Variants in COL14A1 observed in about 807,000 individuals in gnomAD.
The protein encoded by COL14A1 is collagen alpha-1(XIV) chain.
In COL14A1, 136 loss-of-function variants were observed where a neutral mutation model predicts 230.3. The observed-to-expected ratio is 0.59, with a 90% CI of 0.51 to 0.68. The LOEUF is 0.68. COL14A1 is among the 30% of genes least tolerant of loss of function. COL14A1 has a pLI of 0.00. For synonymous variants in COL14A1, 792 were observed against 784.1 expected (o/e 1.01, Z -0.17); for missense variants, 1,976 against 2,215.8 (o/e 0.89, Z 2.17).
chr8:120,280,659 T>A, intron 29 of COL14A1, 52 bp from the exon 30 acceptor site: 5 of 1,549,410 alleles, frequency 3.2e-6, no homozygotes, highest in Non-Finnish European at 4.5e-6. Context: ...GGAAAGAGTA[T>A]GTTTGTGAAA....
At chr8:120,128,722 T>TC (rs1228031492) in intron 1 of COL14A1, among the ~76,000 whole-genome samples, 1 of 152,212 alleles carries the variant, frequency 6.6e-6, no homozygotes, top group African/African-American at 2.4e-5. Flanking sequence ...ACTCCCCGTT[T>TC]CCTCCAGGTA....
At chr8:120,219,916 A>G (rs1817876101) in intron 14 of COL14A1, among the ~76,000 whole-genome samples, 1 of 152,120 alleles carries the variant, frequency 6.6e-6, no homozygotes, top group Non-Finnish European at 1.5e-5. Flanking sequence ...TGAAGATTTG[A>G]GAAAATTTTG....
intron 1 of COL14A1, among the ~76,000 whole-genome samples, chr8:120,133,044 C>T (rs1247719416): frequency 3.3e-5 from 5 of 151,892 alleles, no homozygotes; most frequent in African/African-American, 9.7e-5. Context: ...GGTGAAACCC[C>T]GTCTCTACTA....
chr8:120,241,784 G>A (rs895224541), intron 19 of COL14A1, among the ~76,000 whole-genome samples: 13 of 152,208 alleles, frequency 8.5e-5, no homozygotes, highest in African/African-American at 3.1e-4. Context: ...CAAGATTCTT[G>A]GGGTTTCGGT....
chr8:120,136,889 C>T (rs1210522504), intron 1 of COL14A1, among the ~76,000 whole-genome samples: 4 of 146,846 alleles, frequency 2.7e-5, no homozygotes, highest in Admixed American at 6.9e-5. Flanking sequence ...TGCTTGAACC[C>T]GGTAGGAGGT....
intron 5 of COL14A1, 78 bp downstream of exon 5, chr8:120,168,325 G>T (rs1040311783): frequency 3.9e-6 from 4 of 1,029,662 alleles, no homozygotes; most frequent in Non-Finnish European, 5.9e-6. Flanking sequence ...ATGTGGGGTT[G>T]CTGGTCCCAT....
At chr8:120,166,706 A>G (rs546387783) in intron 4 of COL14A1, among the ~76,000 whole-genome samples, 6 of 152,312 alleles carry the variant, frequency 3.9e-5, no homozygotes, top group African/African-American at 1.4e-4. Context: ...TAATTGTGAG[A>G]TGGTAAAATT....
At chr8:120,167,505 G>T (rs1815945191) in intron 4 of COL14A1, among the ~76,000 whole-genome samples, 1 of 152,216 alleles carries the variant, frequency 6.6e-6, no homozygotes, top group Non-Finnish European at 1.5e-5. Context: ...CAGTTTTAAG[G>T]AGAGAATGCA....
rs777601037 is a variant in COL14A1 at position 120,227,318 on chromosome 8, C to A, written c.2103C>A (p.Ser701Arg). Residue 701 changes from serine to arginine, a missense_variant, in exon 17 of 48, where the codon AGC becomes AGA. Physicochemically the swap from Ser to Arg is moderately radical, Grantham distance 110. This residue lies in a region of COL14A1 where 1,791 missense variants were observed against 2,019.5 expected (regional missense o/e 0.89). Coordinates refer to ENST00000297848, the MANE Select transcript of COL14A1 (RefSeq NM_021110.4). ...VSLLAVLDDG[S>R]ESEVVTAVGT... ...TATTGGCCGTACTTGATGATGGAAG[C>A]GAGAGTGAGGTGGTGACTGCTGTCG... is the stretch of plus-strand genomic sequence containing the variant. 1.9e-6 allele frequency: 3 copies of A among 1,613,894 alleles called. No individual in the cohort carries two copies. The highest frequency in any genetic ancestry group is 8.5e-7 in the Non-Finnish European group (1 of 1,179,978).
rs372029911 is a variant in COL14A1 at position 120,228,970 on chromosome 8, C to T, written c.2197+201C>T. On this transcript the variant is annotated intron_variant, in intron 18 of 47. Transcript: ENST00000297848. ...AAATGCCCATGGATCTCCTAGTCAACTGATCTCACTGATACATCACTCTAC... is the reference window on the plus strand; with the variant it reads ...AAATGCCCATGGATCTCCTAGTCAATTGATCTCACTGATACATCACTCTAC... 1.1e-4 allele frequency among the ~76,000 whole-genome samples: 16 copies of T among 152,210 alleles called. No homozygotes were observed. In the East Asian group the frequency reaches 2.1e-3, roughly 20 times the overall value.
At chr8:120,231,839 C>T in intron 19 of COL14A1, 1 of 489,734 alleles carries the variant, frequency 2.0e-6, no homozygotes, top group Non-Finnish European at 3.6e-6. Context: ...AGTTAATAAC[C>T]TCTGAACATT....
chr8:120,310,815 C>T (rs542911072), intron 37 of COL14A1, among the ~76,000 whole-genome samples: 2 of 152,284 alleles, frequency 1.3e-5, no homozygotes, highest in African/African-American at 4.8e-5. Flanking sequence ...TTTTCAAAAA[C>T]CTGCAGTCAC....
chr8:120,185,029 G>A (rs1472836194), intron 5 of COL14A1, among the ~76,000 whole-genome samples: 1 of 152,188 alleles, frequency 6.6e-6, no homozygotes, highest in Admixed American at 6.5e-5. Flanking sequence ...TTTCTAGGAA[G>A]ACAGAAGTTA....
At chr8:120,167,595 T>C (rs888680774) in intron 4 of COL14A1, among the ~76,000 whole-genome samples, 42 of 152,246 alleles carry the variant, frequency 2.8e-4, no homozygotes, top group African/African-American at 9.4e-4. Flanking sequence ...TTGAACATTT[T>C]CTAATTAAAG....
At chr8:120,304,296 G>T (rs997031724) in intron 36 of COL14A1, among the ~76,000 whole-genome samples, 1 of 151,950 alleles carries the variant, frequency 6.6e-6, no homozygotes, top group African/African-American at 2.4e-5. Flanking sequence ...TTTGGGGTTG[G>T]TTTGCTCTTG....
At chr8:120,217,063 G>A (rs4870725) in intron 14 of COL14A1, among the ~76,000 whole-genome samples, 15,610 of 152,196 alleles carry the variant, frequency 0.1, 1,583 homozygotes, top group East Asian at 0.46. Flanking sequence ...GATAGGAGGA[G>A]CATATAGAGA....
At chr8:120,192,164 G>C (rs1430808892) in intron 5 of COL14A1, among the ~76,000 whole-genome samples, 2 of 152,188 alleles carry the variant, frequency 1.3e-5, no homozygotes, top group Admixed American at 1.3e-4. Flanking sequence ...ATTTTGGCAT[G>C]ATTTTGCAGT....
rs772985163 is a variant in COL14A1 at position 120,227,305 on chromosome 8, TTGA to T, written c.2096_2098del (p.Asp699del). The T allele has an allele frequency of 3.0e-5, 48 of 1,613,970 alleles. 1 individual carries two copies. The South Asian group carries it at 4.9e-4, about 17-fold the overall frequency. ...TATGAAGTTTCACTATTGGCCGTAC[TTGA>T]TGATGGAAGCGAGAGTGAGGTGGTG... On this transcript the variant is annotated inframe_deletion, in exon 17 of 48. Transcript: ENST00000297848.
chr8:120,313,841 A>G, intron 37 of COL14A1, 91 bp from the exon 38 acceptor site: 1 of 797,396 alleles, frequency 1.3e-6, no homozygotes, highest in Non-Finnish European at 2.0e-6. Flanking sequence ...TATATAAGAA[A>G]ACAAATTATA....
Sources: allele counts gnomAD v4.1 joint callset (sites outside exome capture counted in the v4.1 genomes callset), GRCh38; gene constraint gnomAD v4.1.1; regional missense constraint gnomAD v4.1.1; transcripts MANE v1.5; gene names NCBI Gene and HGNC (gene_info 2026-07-23, HGNC 2026-07-21).